GALNT8: variants seen among roughly 807,000 people sequenced by gnomAD.
GALNT8 encodes the protein polypeptide N-acetylgalactosaminyltransferase 8.
Under a neutral mutation model 62.7 loss-of-function variants are expected in GALNT8, and 66 were observed. That is an observed-to-expected ratio of 1.05 (90% CI 0.86 to 1.29). GALNT8 has a LOEUF of 1.29. Ranked by LOEUF, GALNT8 falls within the 50% of genes most tolerant of loss-of-function variation. The pLI, the probability that GALNT8 is intolerant of heterozygous loss-of-function variation, is 0.00. For synonymous variants in GALNT8, 288 were observed against 294.3 expected (o/e 0.98, Z 0.22); for missense variants, 771 against 791.8 (o/e 0.97, Z 0.32).
intron 2 of GALNT8, among the ~76,000 whole-genome samples, chr12:4,729,450 T>A (rs1435698538): frequency 6.6e-6 from 1 of 152,140 alleles, no homozygotes. Context: ...CCACCCTGGC[T>A]CCTGGTAACC....
intron 2 of GALNT8, among the ~76,000 whole-genome samples, chr12:4,737,103 G>T (rs959106325): frequency 6.6e-6 from 1 of 152,110 alleles, no homozygotes; most frequent in African/African-American, 2.4e-5. Context: ...TTCATTTTCT[G>T]GTCTGGCTTT....
chr12:4,750,335 CCCACCCT>C (rs1367109650), intron 6 of GALNT8, among the ~76,000 whole-genome samples: 1 of 146,904 alleles, frequency 6.8e-6, no homozygotes, highest in Admixed American at 6.8e-5. Flanking sequence ...TCTCCCTCCT[CCCACCCT>C]CCACCCTCCA....
chr12:4,763,393 A>G lies in GALNT8; in HGVS notation c.1497+3A>G, dbSNP rs1946381809. ...ACACCATCGTGGGCTATGGAAGAGT[A>G]TGTATTATGAAATTGCACTTTGGAT... On this transcript the variant is annotated splice_donor_region_variant and intron_variant, in intron 8 of 10. Transcript: ENST00000252318. 6.2e-7 allele frequency: 1 copy of G among 1,606,578 alleles called. No homozygotes were observed. Among genetic ancestry groups the G allele is most frequent in the East Asian group, 2.2e-5 (1 of 44,806 alleles).
chr12:4,771,175 G>A (rs956265724), intron 10 of GALNT8, among the ~76,000 whole-genome samples: 2 of 152,224 alleles, frequency 1.3e-5, no homozygotes, highest in African/African-American at 4.8e-5. Context: ...CCTGGAAGAG[G>A]AACCCTGAGG....
chr12:4,745,370 C>T (rs561022268), intron 4 of GALNT8, 59 bp from the exon 5 acceptor site: 21 of 1,068,482 alleles, frequency 2.0e-5, no homozygotes, highest in South Asian at 1.0e-4. Flanking sequence ...GCTTTATCTG[C>T]TCTCCCCTAC....
chr12:4,768,081 A>G (rs1432891456), intron 10 of GALNT8, among the ~76,000 whole-genome samples: 1 of 152,166 alleles, frequency 6.6e-6, no homozygotes, highest in Non-Finnish European at 1.5e-5. Flanking sequence ...AACTTCAATT[A>G]CCTGACTTTA....
intron 3 of GALNT8, among the ~76,000 whole-genome samples, chr12:4,740,287 C>T (rs556587311): frequency 3.9e-5 from 6 of 152,130 alleles, no homozygotes; most frequent in African/African-American, 7.2e-5. Context: ...GGTAACTCAA[C>T]GTCTTCATAT....
At chr12:4,760,289 T>C (rs1413464838) in intron 6 of GALNT8, among the ~76,000 whole-genome samples, 2 of 152,362 alleles carry the variant, frequency 1.3e-5, no homozygotes, top group African/African-American at 4.8e-5. Flanking sequence ...TGGGTATCAG[T>C]TGGAAGCCAC....
chr12:4,763,487 C>A, intron 8 of GALNT8, 97 bp downstream of exon 8: 3 of 959,458 alleles, frequency 3.1e-6, no homozygotes, highest in Non-Finnish European at 1.6e-6. Flanking sequence ...CCAAGACGCC[C>A]TTCCTACCTC....
rs1281933764 is a variant in GALNT8, at chr12:4,739,235, GTCCA to G, written c.584_587del (p.Ser195LeufsTer18). On this transcript the variant is annotated frameshift_variant, in exon 3 of 11. Coordinates refer to ENST00000252318, the MANE Select transcript of GALNT8 (RefSeq NM_017417.2). LOFTEE classifies it high-confidence loss of function. Reference sequence around the variant, plus strand: ...TTCTCATATTCGTGAATGAAGCTCTGTCCATTATACAACGGGCCATCACCAGTAT... The same window carrying G: ...TTCTCATATTCGTGAATGAAGCTCTGTTATACAACGGGCCATCACCAGTAT... 6.2e-7 allele frequency: 1 copy of G among 1,612,960 alleles called. No individual in the cohort carries two copies.
intron 7 of GALNT8, 64 bp from the exon 8 acceptor site, chr12:4,763,189 T>A: frequency 7.2e-7 from 1 of 1,383,774 alleles, no homozygotes; most frequent in Non-Finnish European, 1.0e-6. Flanking sequence ...CAGGCCATAT[T>A]TAGTTCGCTT....
At chr12:4,765,000 C>T (rs1437203852) in intron 9 of GALNT8, among the ~76,000 whole-genome samples, 2 of 152,168 alleles carry the variant, frequency 1.3e-5, no homozygotes, top group South Asian at 2.1e-4. Context: ...CCTACTTGTC[C>T]AAGCTCACTG....
intron 10 of GALNT8, among the ~76,000 whole-genome samples, chr12:4,769,776 C>T (rs1337252059): frequency 2.0e-5 from 3 of 152,020 alleles, no homozygotes; most frequent in Admixed American, 6.6e-5. Context: ...AAGCCATCAG[C>T]GATCCTGAGG....
In GALNT8 at chr12:4,749,904, G is replaced by A. The variant is rs1302064878; in HGVS notation, c.1173+3646G>A. ...GGTTCAATCTTGAACCAAGTTCAATGTGTCTAGGAATTTGTCCATTTCTTC... is the reference window on the plus strand; with the variant it reads ...GGTTCAATCTTGAACCAAGTTCAATATGTCTAGGAATTTGTCCATTTCTTC... On this transcript the variant is annotated intron_variant, in intron 6 of 10. Coordinates refer to ENST00000252318, the MANE Select transcript of GALNT8 (RefSeq NM_017417.2). This position sits in a 1 kb window ranked among gnomAD's most constrained non-coding sequence, Gnocchi z 4.1. Among the ~76,000 whole-genome samples the A allele has an allele frequency of 6.6e-6, 1 of 152,020 alleles. No homozygotes were observed. Among genetic ancestry groups the A allele is most frequent in the Non-Finnish European group, 1.5e-5 (1 of 67,986 alleles).
chr12:4,729,099 G>T (rs1335232511), intron 2 of GALNT8, among the ~76,000 whole-genome samples: 1 of 151,586 alleles, frequency 6.6e-6, no homozygotes, highest in African/African-American at 2.4e-5. Context: ...TTATTCCTAG[G>T]TATTTGTCTT....
In GALNT8 at chr12:4,745,489, T is replaced by C. The variant is rs1946293898; in HGVS notation, c.921T>C (p.Phe307=). 4 of 1,613,264 alleles carry C rather than the reference T, an allele frequency of 2.5e-6. No homozygotes were observed. Among genetic ancestry groups the C allele is most frequent in the Non-Finnish European group, 3.4e-6 (4 of 1,179,162 alleles). ...GCACTGTGATTGTGTCTCCTGTGTT[T>C]GACAACATTCGTTTTGACACCTTCA... ...EDRTVIVSPV[F]DNIRFDTFKL... Residue 307 remains phenylalanine, a synonymous_variant, in exon 5 of 11, where the codon TTT becomes TTC. Transcript: ENST00000252318.
chr12:4,721,324 G>A (rs1208005235), intron 1 of GALNT8, among the ~76,000 whole-genome samples: 1 of 152,086 alleles, frequency 6.6e-6, no homozygotes, highest in African/African-American at 2.4e-5. Flanking sequence ...AACAAAGTAT[G>A]TAGAGAGAAA....
chr12:4,746,051 T>C, intron 5 of GALNT8, 93 bp from the exon 6 acceptor site: 1 of 726,312 alleles, frequency 1.4e-6, no homozygotes, highest in South Asian at 1.6e-5. Flanking sequence ...CAGACTTAGG[T>C]AGAGTTCTGA....
At chr12:4,731,441 A>G (rs1451642522) in intron 2 of GALNT8, among the ~76,000 whole-genome samples, 1 of 152,120 alleles carries the variant, frequency 6.6e-6, no homozygotes, top group Non-Finnish European at 1.5e-5. Context: ...AACAGGGACA[A>G]TCTACACTTC....
Sources: allele counts gnomAD v4.1 joint callset (sites outside exome capture counted in the v4.1 genomes callset), GRCh38; gene constraint gnomAD v4.1.1; non-coding constraint Gnocchi (gnomAD v3.1); transcripts MANE v1.5; gene names NCBI Gene and HGNC (gene_info 2026-07-23, HGNC 2026-07-21).